The following CREBBP variants were observed in gnomAD, a reference collection of about 807,000 sequenced individuals.
The protein encoded by CREBBP is CREB-binding protein.
A neutral mutation model predicts 265.0 loss-of-function variants in CREBBP; 19 were observed. The ratio of observed to expected loss-of-function variants is 0.07; its 90% CI spans 0.05 to 0.11. The LOEUF (loss-of-function observed/expected upper bound fraction) is 0.11. CREBBP is among the 10% of genes least tolerant of loss of function. The probability of loss-of-function intolerance (pLI) is 1.00; values close to 1 mark genes in which losing one functional copy is unlikely to be tolerated. For missense variants in CREBBP, 2,525 were observed against 3,219.0 expected, an observed-to-expected ratio of 0.78 and a Z score of 5.22; for synonymous variants, 1,457 against 1,223.7, an observed-to-expected ratio of 1.19 and a Z score of -3.98.
rs1042732651 is a variant in CREBBP at position 3,880,431 on chromosome 16, A to T, written c.-515T>A. The T allele has an allele frequency of 1.4e-5, 2 of 138,916 alleles. No homozygotes were observed. The highest frequency in any genetic ancestry group is 5.3e-5 in the African/African-American group (2 of 37,742). 8.6% of individuals were successfully genotyped at this position (138,916 alleles called of 1,614,324 possible). Reference sequence around the variant, plus strand: ...GCCGCCGCCGCCGCCGTGAGGAAAAACAATGCGCCGAGCGGGGTCGCCGCC... The same window carrying T: ...GCCGCCGCCGCCGCCGTGAGGAAAATCAATGCGCCGAGCGGGGTCGCCGCC... On this transcript the variant is annotated 5_prime_UTR_variant, in exon 1 of 31. Coordinates refer to ENST00000262367, the MANE Select transcript of CREBBP (RefSeq NM_004380.3).
At chr16:3,792,423 C>G (rs2141281928) in intron 4 of CREBBP, among the ~76,000 whole-genome samples, 1 of 152,294 alleles carries the variant, frequency 6.6e-6, no homozygotes. Context: ...TGTGATGTCA[C>G]TATTTAAAAT....
intron 2 of CREBBP, among the ~76,000 whole-genome samples, chr16:3,848,238 G>C (rs1252498505): frequency 6.6e-6 from 1 of 151,848 alleles, no homozygotes; most frequent in Non-Finnish European, 1.5e-5. Flanking sequence ...GATACTGGCT[G>C]ACATGAAGTT....
intron 3 of CREBBP, among the ~76,000 whole-genome samples, chr16:3,805,532 G>C (rs982817161): frequency 7.9e-5 from 12 of 152,228 alleles, no homozygotes; most frequent in Admixed American, 7.8e-4. Flanking sequence ...ACTAAGAGGA[G>C]CTCATCAAAG....
At chr16:3,761,530 C>T in intron 16 of CREBBP, 1 of 518,754 alleles carries the variant, frequency 1.9e-6, no homozygotes, top group Non-Finnish European at 3.8e-6. Flanking sequence ...GCACCAAGAA[C>T]ATGCCTCAGG....
intron 5 of CREBBP, 64 bp downstream of exon 5, chr16:3,791,917 G>C: frequency 7.1e-7 from 1 of 1,405,616 alleles, no homozygotes; most frequent in Non-Finnish European, 1.0e-6. Flanking sequence ...CCTACTCTCT[G>C]AATTTTCTTT....
chr16:3,770,276 G>A (rs2052968034), intron 14 of CREBBP, among the ~76,000 whole-genome samples: 1 of 152,084 alleles, frequency 6.6e-6, no homozygotes, highest in Non-Finnish European at 1.5e-5. Context: ...GTACCTCCTA[G>A]GCTCAAGTGA....
In CREBBP at chr16:3,781,251, T is replaced by C; in HGVS notation, c.1629A>G (p.Pro543=). The C allele has an allele frequency of 6.2e-7, 1 of 1,614,078 alleles. No individual in the cohort carries two copies. ...GAAGAGCTGATTCTGAAATCAAGTT[T>C]GGGGGCTGCTGATCTGTTGTTATTC... ...AGGITTDQQP[P]NLISESALPT... is the part of the protein sequence containing the mutation. The change falls in exon 7 of 31, where the codon CCA becomes CCG. Residue 543 remains proline (P), a synonymous_variant. Transcript: ENST00000262367.
rs1186690584 is a variant in CREBBP, at chr16:3,738,439, G to A, written c.4394+120C>T. The stretch of plus-strand genomic sequence containing the variant: ...AGAGGAGCTTTGGAGATTCTGAATT[G>A]ATCTTAGGATGGAAAAATAAAAACG... On this transcript the variant is annotated intron_variant, in intron 26 of 30. Transcript: ENST00000262367. 23 of 719,250 alleles carry A rather than the reference G, an allele frequency of 3.2e-5. No individual in the cohort carries two copies. The East Asian group carries it at 6.1e-4, about 19-fold the overall frequency. The allele number at this position is 719,250 out of a possible 1,614,324, so 44.6% of individuals were successfully genotyped here.
chr16:3,872,632 AG>A (rs1310470899), intron 1 of CREBBP, among the ~76,000 whole-genome samples: 2 of 152,258 alleles, frequency 1.3e-5, no homozygotes, highest in Admixed American at 6.5e-5. Flanking sequence ...AGAGGACTAA[AG>A]GGAACGCTGA....
At position 3,779,261 on chromosome 16, in the gene CREBBP, ACTCCTGG is replaced by A. The variant is rs57875817; in HGVS notation, c.1824-451_1824-445del. ...TGATCATAGCTCACTGCAACTTTGA[ACTCCTGG>A]GCTCAATGATCTTCCCACCTCAGCC... On this transcript the variant is annotated intron_variant, in intron 8 of 30. Transcript: ENST00000262367. Among the ~76,000 whole-genome samples the A allele has an allele frequency of 5.2e-3, 793 of 151,932 alleles. 9 individuals are homozygous for A. Among genetic ancestry groups the A allele is most frequent in the African/African-American group, 0.018 (766 of 41,454 alleles).
intron 2 of CREBBP, among the ~76,000 whole-genome samples, chr16:3,818,127 T>G (rs911575854): frequency 2.6e-5 from 4 of 151,564 alleles, no homozygotes; most frequent in African/African-American, 9.7e-5. Context: ...CAAGAAGGGG[T>G]TGACCATAAC....
chr16:3,868,795 G>C (rs1388579298), intron 1 of CREBBP, among the ~76,000 whole-genome samples: 2 of 152,304 alleles, frequency 1.3e-5, no homozygotes, highest in South Asian at 2.1e-4. Context: ...ACACAACTCA[G>C]AGTTCCATGA....
intron 26 of CREBBP, chr16:3,737,032 G>A (rs1212995552): frequency 3.2e-6 from 2 of 623,818 alleles, no homozygotes; most frequent in Non-Finnish European, 5.7e-6. Flanking sequence ...TTCTCCCTTG[G>A]GGTGCACACA....
At chr16:3,805,275 C>T (rs185920647) in intron 3 of CREBBP, among the ~76,000 whole-genome samples, 7 of 152,308 alleles carry the variant, frequency 4.6e-5, no homozygotes, top group African/African-American at 7.2e-5. Context: ...ACCTTCCCCA[C>T]GTTTTCCAGT....
intron 2 of CREBBP, among the ~76,000 whole-genome samples, chr16:3,831,044 T>A (rs948680954): frequency 1.3e-5 from 2 of 152,206 alleles, no homozygotes; most frequent in African/African-American, 4.8e-5. Context: ...CCTCCCAAAG[T>A]GCTGGGATTA....
intron 7 of CREBBP, 111 bp from the exon 8 acceptor site, chr16:3,780,989 G>A (rs2053261329): frequency 1.6e-6 from 2 of 1,248,150 alleles, no homozygotes; most frequent in Non-Finnish European, 2.3e-6. Flanking sequence ...TAAGTCAGGA[G>A]AGCCAAGTGA....
chr16:3,870,159 C>T (rs1368878753), intron 1 of CREBBP, among the ~76,000 whole-genome samples: 3 of 151,828 alleles, frequency 2.0e-5, no homozygotes, highest in Non-Finnish European at 1.5e-5. Context: ...AAAAAAATCA[C>T]ACCAAATCTA....
intron 2 of CREBBP, among the ~76,000 whole-genome samples, chr16:3,845,755 T>C (rs2054653351): frequency 6.6e-6 from 1 of 151,854 alleles, no homozygotes; most frequent in South Asian, 2.1e-4. Flanking sequence ...GTTGTGGTGA[T>C]GCGCGCCTGT....
intron 4 of CREBBP, among the ~76,000 whole-genome samples, chr16:3,792,822 C>CA (rs1052659675): frequency 6.6e-6 from 1 of 152,240 alleles, no homozygotes; most frequent in African/African-American, 2.4e-5. Context: ...AAAGGGGAGA[C>CA]AGAGGGCACG....
Sources: allele counts gnomAD v4.1 joint callset (sites outside exome capture counted in the v4.1 genomes callset), GRCh38; gene constraint gnomAD v4.1.1; transcripts MANE v1.5; gene names NCBI Gene and HGNC (gene_info 2026-07-23, HGNC 2026-07-21).